Variants in BACH1 observed in about 807,000 individuals in gnomAD.
BACH1 encodes the protein BTB domain and CNC homolog 1.
A neutral mutation model predicts 52.9 loss-of-function variants in BACH1; 35 were observed. The ratio of observed to expected loss-of-function variants is 0.66; its 90% CI spans 0.51 to 0.88. The LOEUF is 0.88. Among genes scored for constraint, BACH1 ranks in the 40% least tolerant of loss-of-function variants. The pLI is 0.00. For missense variants in BACH1, 808 were observed against 872.6 expected, an observed-to-expected ratio of 0.93 and a Z score of 0.93; for synonymous variants, 321 against 319.6, an observed-to-expected ratio of 1.00 and a Z score of -0.05.
Position 29,321,261 on chromosome 21 carries a change from G to A in BACH1, c.-20G>A, listed in dbSNP as rs777733150. The A allele has an allele frequency of 1.6e-5, 26 of 1,590,666 alleles. No homozygotes were observed. In the Middle Eastern group the frequency reaches 8.3e-4, roughly 51 times the overall value. On this transcript the variant is annotated 5_prime_UTR_variant, in exon 2 of 5. Coordinates refer to ENST00000286800, the MANE Select transcript of BACH1 (RefSeq NM_001186.4). Reference sequence around the variant, plus strand: ...AAGCATGCTTTCCACTGAACTTCCCGACAACATTTGTTATGCAGAATGTCT... The same window carrying A: ...AAGCATGCTTTCCACTGAACTTCCCAACAACATTTGTTATGCAGAATGTCT...
intron 4 of BACH1, among the ~76,000 whole-genome samples, chr21:29,335,475 C>T (rs2089033801): frequency 6.6e-6 from 1 of 152,196 alleles, no homozygotes; most frequent in African/African-American, 2.4e-5. Flanking sequence ...ACAGAATCCT[C>T]ACTTACTTAC....
chr21:29,327,907 T>C (rs974366588), intron 3 of BACH1, among the ~76,000 whole-genome samples: 7 of 152,230 alleles, frequency 4.6e-5, no homozygotes, highest in African/African-American at 7.2e-5. Flanking sequence ...CCAGTAGATA[T>C]ATTAACCATA....
chr21:29,340,203 A>G (rs192555629), intron 4 of BACH1, among the ~76,000 whole-genome samples: 64 of 152,334 alleles, frequency 4.2e-4, no homozygotes, highest in Non-Finnish European at 8.1e-4. Context: ...TTTTACTTTT[A>G]GTTATTAAGC....
intron 2 of BACH1, among the ~76,000 whole-genome samples, chr21:29,358,274 A>C (rs2089246953): frequency 2.6e-5 from 4 of 152,236 alleles, no homozygotes; most frequent in African/African-American, 9.6e-5. Context: ...ATTTGACAAT[A>C]TCCAATAAAA....
chr21:29,306,604 G>A (rs2088660825), intron 1 of BACH1, among the ~76,000 whole-genome samples: 1 of 152,176 alleles, frequency 6.6e-6, no homozygotes, highest in Non-Finnish European at 1.5e-5. Flanking sequence ...CTCGGGTTGA[G>A]AGTAGATACG....
chr21:29,299,911 A>G (rs181924123), intron 1 of BACH1: 39 of 152,304 alleles, frequency 2.6e-4, no homozygotes, highest in Admixed American at 1.8e-3. Flanking sequence ...GGATGATGCT[A>G]TGGGAATTTG....
downstream of BACH1, among the ~76,000 whole-genome samples, chr21:29,349,995 T>C (rs1163287265): frequency 6.6e-6 from 1 of 152,010 alleles, no homozygotes; most frequent in Non-Finnish European, 1.5e-5. Context: ...CACCAGCCTC[T>C]CCAAAGGCCT....
chr21:29,341,554 C>G (rs1009738718), intron 4 of BACH1, among the ~76,000 whole-genome samples: 1 of 152,078 alleles, frequency 6.6e-6, no homozygotes, highest in Admixed American at 6.6e-5. Flanking sequence ...AAGGCAGGAA[C>G]CAGAAAAACT....
chr21:29,356,474 A>G (rs772424286), intron 2 of BACH1, among the ~76,000 whole-genome samples: 45 of 152,222 alleles, frequency 3.0e-4, no homozygotes, highest in African/African-American at 1.1e-3. Flanking sequence ...CAATTTTCTT[A>G]ACTGCTTCTA....
intron 2 of BACH1, chr21:29,361,436 G>A (rs551599340): frequency 6.6e-6 from 1 of 152,122 alleles, no homozygotes; most frequent in Non-Finnish European, 1.5e-5. Context: ...AGACCTTGGA[G>A]TGTATTTTTT....
At chr21:29,332,835 A>G (rs2089000753) in intron 4 of BACH1, among the ~76,000 whole-genome samples, 1 of 152,196 alleles carries the variant, frequency 6.6e-6, no homozygotes, top group Non-Finnish European at 1.5e-5. Context: ...GTGACTAGCG[A>G]GCAAGAACAA....
intron 2 of BACH1, among the ~76,000 whole-genome samples, chr21:29,324,754 G>A (rs893121494): frequency 6.6e-6 from 1 of 152,108 alleles, no homozygotes; most frequent in African/African-American, 2.4e-5. Context: ...TGGGTTATAT[G>A]GTAGTTGCAT....
In BACH1 at chr21:29,327,230, C is replaced by T; in HGVS notation, c.1406C>T (p.Thr469Ile). ...TGCCCTTTTATAAGTACTCTGAGTA[C>T]TGAAGGCTGTTCAAGCAATTTGGAA... is the stretch of plus-strand genomic sequence containing the variant. ...VNCPFISTLS[T>I]EGCSSNLEIG... The change falls in exon 3 of 5, where the codon ACT (threonine) becomes ATT (isoleucine). Residue 469 changes from threonine (T) to isoleucine (I), a missense_variant. Physicochemically the swap from Thr to Ile is moderately conservative, Grantham distance 89. Coordinates refer to ENST00000286800, the MANE Select transcript of BACH1 (RefSeq NM_001186.4). The T allele has an allele frequency of 6.2e-7, 1 of 1,614,168 alleles. No individual in the cohort carries two copies. Among genetic ancestry groups the T allele is most frequent in the South Asian group, 1.1e-5 (1 of 91,086 alleles).
chr21:29,337,958 C>CA (rs563151060), intron 4 of BACH1, among the ~76,000 whole-genome samples: 210 of 150,470 alleles, frequency 1.4e-3, no homozygotes, highest in African/African-American at 4.3e-3. Context: ...AAAACAAAAA[C>CA]AAAAAAAACG....
At chr21:29,302,191 GT>G (rs1360754076) in intron 1 of BACH1, among the ~76,000 whole-genome samples, 1 of 152,210 alleles carries the variant, frequency 6.6e-6, no homozygotes, top group East Asian at 1.9e-4. Context: ...TTTATTTTAT[GT>G]GGTGGAACGA....
intron 2 of BACH1, among the ~76,000 whole-genome samples, chr21:29,360,856 A>AC (rs1208944942): frequency 6.6e-6 from 1 of 151,380 alleles, no homozygotes; most frequent in Admixed American, 6.6e-5. Context: ...AAAAAAAAAA[A>AC]AAAAACAAAA....
chr21:29,330,321 C>T (rs1012682248), intron 4 of BACH1, among the ~76,000 whole-genome samples: 1 of 151,874 alleles, frequency 6.6e-6, no homozygotes, highest in Non-Finnish European at 1.5e-5. Context: ...CCTGCCACTG[C>T]GCCTGGCTAA....
Position 29,326,277 on chromosome 21 carries a change from G to A in BACH1, c.453G>A (p.Gln151=). ...PRKKCFSSHC[Q]KTDLKLSLLD... is the part of the protein sequence containing the mutation. ...AAAAATGCTTTTCATCACACTGTCAGAAAACAGACCTTAAACTTTCACTTT... is the reference window on the plus strand; with the variant it reads ...AAAAATGCTTTTCATCACACTGTCAAAAAACAGACCTTAAACTTTCACTTT... Residue 151 remains glutamine (Q), a synonymous_variant, in exon 3 of 5, where the codon CAG becomes CAA. Transcript: ENST00000286800. 6.2e-7 allele frequency: 1 copy of A among 1,614,148 alleles called. No individual in the cohort carries two copies. The highest frequency in any genetic ancestry group is 8.5e-7 in the Non-Finnish European group (1 of 1,180,024).
intron 1 of BACH1, among the ~76,000 whole-genome samples, chr21:29,320,811 C>A (rs1050677409): frequency 6.6e-6 from 1 of 152,156 alleles, no homozygotes; most frequent in African/African-American, 2.4e-5. Flanking sequence ...AAGGTGTGAC[C>A]TCTGGGGACC....
Sources: gnomAD v4.1 joint callset for allele counts (sites outside exome capture counted in the v4.1 genomes callset) on GRCh38, gnomAD v4.1.1 for gene constraint, MANE v1.5 for transcripts, NCBI Gene and HGNC (gene_info 2026-07-23, HGNC 2026-07-21) for gene names.